The following GALNT13 variants were observed in gnomAD, a reference collection of about 807,000 sequenced individuals.
GALNT13 encodes polypeptide N-acetylgalactosaminyltransferase 13.
In GALNT13, 28 loss-of-function variants were observed where a neutral mutation model predicts 64.2. The ratio of observed to expected loss-of-function variants is 0.44; its 90% CI spans 0.32 to 0.60. GALNT13 has a LOEUF of 0.60. GALNT13 is among the 20% of genes least tolerant of loss of function. GALNT13 has a pLI of 0.05. For missense variants in GALNT13, 577 were observed against 669.8 expected (o/e 0.86, Z 1.53); for synonymous variants, 214 against 224.6 (o/e 0.95, Z 0.42).
At chr2:154,115,840 C>T (rs917950222) in intron 3 of GALNT13, among the ~76,000 whole-genome samples, 33 of 152,278 alleles carry the variant, frequency 2.2e-4, no homozygotes, top group African/African-American at 6.7e-4. Flanking sequence ...CATTATCTCA[C>T]ACCCTTAATA....
At chr2:153,879,357 CGTGTGTGTGTGT>C (rs4034904) in intron 1 of GALNT13, among the ~76,000 whole-genome samples, 4 of 148,446 alleles carry the variant, frequency 2.7e-5, no homozygotes, top group African/African-American at 9.9e-5. Context: ...AAACTACCTA[CGTGTGTGTGTGT>C]GTGTGTGTGT....
downstream of GALNT13, among the ~76,000 whole-genome samples, chr2:154,456,380 A>G (rs1241289317): frequency 6.6e-6 from 1 of 152,094 alleles, no homozygotes; most frequent in East Asian, 1.9e-4. Flanking sequence ...CTGTAAATTT[A>G]AATATTCATA....
chr2:154,384,949 TCTACTGAAACTGCAGTTGG>T (rs1413731203), intron 9 of GALNT13, among the ~76,000 whole-genome samples: 1 of 151,964 alleles, frequency 6.6e-6, no homozygotes, highest in East Asian at 1.9e-4. Flanking sequence ...GCCATAATTA[TCTACTGAAACTGCAGTTGG>T]CTACTGATTT....
At chr2:153,638,746 C>T in the GALNT13 span, among the ~76,000 whole-genome samples, 4 of 151,856 alleles carry the variant, frequency 2.6e-5, no homozygotes, top group East Asian at 1.9e-4. Context: ...AAGAATTTGG[C>T]GGGGTGGGGG....
chr2:153,131,833 G>A, the GALNT13 span, among the ~76,000 whole-genome samples: 1 of 151,830 alleles, frequency 6.6e-6, no homozygotes, highest in East Asian at 1.9e-4. Flanking sequence ...CAAGCATTTG[G>A]AGTATGAGTA....
At chr2:153,874,249 T>C (rs1033660749) in intron 1 of GALNT13, among the ~76,000 whole-genome samples, 14 of 151,982 alleles carry the variant, frequency 9.2e-5, no homozygotes, top group African/African-American at 3.1e-4. Context: ...GATGCATTTC[T>C]CTGCACTGTT....
At chr2:154,106,960 G>A (rs1702651184) in intron 3 of GALNT13, among the ~76,000 whole-genome samples, 1 of 152,170 alleles carries the variant, frequency 6.6e-6, no homozygotes, top group African/African-American at 2.4e-5. Context: ...ATAGATTAAT[G>A]TCTTCCATTA....
chr2:153,861,559 C>CTTTTT, the GALNT13 span, among the ~76,000 whole-genome samples: 141 of 118,164 alleles, frequency 1.2e-3, no homozygotes, highest in East Asian at 4.8e-3. Context: ...TTCTTTCTTT[C>CTTTTT]TTTTTTTTTT....
the GALNT13 span, among the ~76,000 whole-genome samples, chr2:153,275,947 C>T: frequency 2.0e-5 from 3 of 152,120 alleles, no homozygotes; most frequent in African/African-American, 7.2e-5. Flanking sequence ...CCTGCATCAC[C>T]ACCAACACAG....
chr2:153,118,430 C>T, the GALNT13 span, among the ~76,000 whole-genome samples: 17 of 152,328 alleles, frequency 1.1e-4, no homozygotes, highest in African/African-American at 4.1e-4. Flanking sequence ...TGACTGGCTT[C>T]ATACAAGCAG....
intron 4 of GALNT13, among the ~76,000 whole-genome samples, chr2:154,238,492 C>T (rs544469933): frequency 6.6e-6 from 1 of 152,028 alleles, no homozygotes; most frequent in Admixed American, 6.5e-5. Context: ...AAAATCATAT[C>T]TTCCCACAGA....
the GALNT13 span, among the ~76,000 whole-genome samples, chr2:153,122,613 A>G: frequency 1.9e-4 from 29 of 152,208 alleles, no homozygotes; most frequent in Non-Finnish European, 3.2e-4. Context: ...TTAGTGGACA[A>G]GGATAGCTGG....
chr2:154,290,518 CTTA>C (rs772837595), intron 8 of GALNT13, among the ~76,000 whole-genome samples: 27 of 152,156 alleles, frequency 1.8e-4, no homozygotes, highest in Non-Finnish European at 3.4e-4. Context: ...CTGGAGGCGG[CTTA>C]TTCTTTATTG....
intron 6 of GALNT13, among the ~76,000 whole-genome samples, chr2:154,244,460 G>T (rs923140500): frequency 4.6e-5 from 7 of 152,158 alleles, no homozygotes; most frequent in Admixed American, 3.3e-4. Flanking sequence ...TGGAATATAA[G>T]ACTTCAATTG....
intron 2 of GALNT13, among the ~76,000 whole-genome samples, chr2:153,937,873 G>A (rs964703496): frequency 6.6e-6 from 1 of 152,180 alleles, no homozygotes; most frequent in African/African-American, 2.4e-5. Context: ...GGATTTGACC[G>A]TGACCTTATC....
the GALNT13 span, among the ~76,000 whole-genome samples, chr2:153,391,117 G>A: frequency 6.6e-6 from 1 of 151,886 alleles, no homozygotes; most frequent in Non-Finnish European, 1.5e-5. Flanking sequence ...TAGAGAGGGT[G>A]GGGTCATATA....
chr2:153,682,614 A>G, the GALNT13 span, among the ~76,000 whole-genome samples: 1 of 151,842 alleles, frequency 6.6e-6, no homozygotes, highest in African/African-American at 2.4e-5. Flanking sequence ...ATCAATGATT[A>G]CATAAGAGCA....
At chr2:153,440,985 C>T in the GALNT13 span, among the ~76,000 whole-genome samples, 1 of 152,042 alleles carries the variant, frequency 6.6e-6, no homozygotes, top group African/African-American at 2.4e-5. Context: ...GCTTTTGTTG[C>T]CATTGCTTTT....
the GALNT13 span, among the ~76,000 whole-genome samples, chr2:153,786,786 T>TA: frequency 6.6e-6 from 1 of 152,114 alleles, no homozygotes; most frequent in South Asian, 2.1e-4. Context: ...GCAGTGGTAC[T>TA]ACCCCTGCTA....
Sources: gnomAD v4.1 joint callset for allele counts (sites outside exome capture counted in the v4.1 genomes callset) on GRCh38, gnomAD v4.1.1 for gene constraint, MANE v1.5 for transcripts, NCBI Gene and HGNC (gene_info 2026-07-23, HGNC 2026-07-21) for gene names.